The following PLXNC1 variants were observed in gnomAD, a reference collection of about 807,000 sequenced individuals.
The protein encoded by PLXNC1 is plexin C1, also known as plexin-C1.
PLXNC1 carries 75 observed loss-of-function variants against 178.2 expected under a neutral mutation model. The observed-to-expected ratio is 0.42, with a 90% CI of 0.35 to 0.51. The LOEUF is 0.51. Ranked by LOEUF, PLXNC1 falls within the 20% of genes least tolerant of loss-of-function variation. The pLI is 0.02. For synonymous variants in PLXNC1, 790 were observed against 779.9 expected, an observed-to-expected ratio of 1.01 and a Z score of -0.22; for missense variants, 1,503 against 1,984.4, an observed-to-expected ratio of 0.76 and a Z score of 4.61.
rs1057475517 is a variant in PLXNC1 at position 94,275,803 on chromosome 12, C to A, written c.3598-3669C>A. Among the ~76,000 whole-genome samples, 11 of 128,946 alleles carry A rather than the reference C, an allele frequency of 8.5e-5. 2 individuals are homozygous for A. Among genetic ancestry groups the A allele is most frequent in the South Asian group, 2.4e-4 (1 of 4,104 alleles). 84.6% of individuals were successfully genotyped at this position (128,946 alleles called of 152,430 possible). On this transcript the variant is annotated intron_variant, in intron 21 of 30. Coordinates refer to ENST00000258526, the MANE Select transcript of PLXNC1 (RefSeq NM_005761.3). ...CCGGGAGGCGGAGCTTGCAGTGAGCCGAGATCCCGCCACTGCACTCCAGCC... is the reference window on the plus strand; with the variant it reads ...CCGGGAGGCGGAGCTTGCAGTGAGCAGAGATCCCGCCACTGCACTCCAGCC...
chr12:94,283,601 TGA>T (rs1966613928), intron 23 of PLXNC1, among the ~76,000 whole-genome samples: 1 of 152,176 alleles, frequency 6.6e-6, no homozygotes, highest in Non-Finnish European at 1.5e-5. Flanking sequence ...CGTTCAGGGA[TGA>T]GAGTTTTTAA....
rs141493255 is a variant in PLXNC1, at chr12:94,165,326, C to T, written c.1063-3827C>T. On this transcript the variant is annotated intron_variant, in intron 1 of 30. Coordinates refer to ENST00000258526, the MANE Select transcript of PLXNC1 (RefSeq NM_005761.3). ...TTTGCTGCAATAAGCATAAGAAAGCCATTCAAAGGGTTCCTTTTCCCATTC... is the reference window on the plus strand; with the variant it reads ...TTTGCTGCAATAAGCATAAGAAAGCTATTCAAAGGGTTCCTTTTCCCATTC... Among the ~76,000 whole-genome samples the T allele has an allele frequency of 5.6e-3, 852 of 152,274 alleles. 9 individuals are homozygous for T. The highest frequency in any genetic ancestry group is 0.036 in the South Asian group (174 of 4,818).
chr12:94,220,370 T>C (rs1963760618), intron 6 of PLXNC1, among the ~76,000 whole-genome samples: 1 of 152,112 alleles, frequency 6.6e-6, no homozygotes, highest in Non-Finnish European at 1.5e-5. Context: ...CAGATATGCC[T>C]GGACAATGAC....
chr12:94,281,220 A>G (rs1966414186), intron 22 of PLXNC1, among the ~76,000 whole-genome samples: 1 of 152,206 alleles, frequency 6.6e-6, no homozygotes, highest in African/African-American at 2.4e-5. Flanking sequence ...CAGAGGTTGC[A>G]GTGAGCCCAG....
chr12:94,149,207 T>A lies in PLXNC1; in HGVS notation c.236T>A (p.Leu79Gln). The part of the protein sequence containing the change: ...DYSLEHSLSR[L>Q]YRDQAGNCTE... ...AGCCTGGAGCACAGCCTCTCGCGCC[T>A]GTACCGGGACCAAGCGGGCAACTGC... is the stretch of plus-strand genomic sequence containing the variant. The change falls in exon 1 of 31, where the codon CTG (leucine) becomes CAG (glutamine). Residue 79 changes from leucine (L) to glutamine (Q), a missense_variant. This residue lies in a region of PLXNC1 where 176 missense variants were observed against 180.7 expected (regional missense o/e 0.97). Coordinates refer to ENST00000258526, the MANE Select transcript of PLXNC1 (RefSeq NM_005761.3). 6.3e-7 allele frequency: 1 copy of A among 1,586,492 alleles called. No homozygotes were observed. The highest frequency in any genetic ancestry group is 8.5e-7 in the Non-Finnish European group (1 of 1,170,986).
chr12:94,151,150 G>C (rs1254878506), intron 1 of PLXNC1, among the ~76,000 whole-genome samples: 1 of 152,082 alleles, frequency 6.6e-6, no homozygotes. Context: ...CCATTGTTTT[G>C]GTACAAAATG....
intron 21 of PLXNC1, among the ~76,000 whole-genome samples, chr12:94,274,174 A>T (rs934198052): frequency 6.7e-6 from 1 of 149,314 alleles, no homozygotes; most frequent in Admixed American, 6.7e-5. Context: ...AAAAAAAAAA[A>T]AAAAAAAAAA....
intron 4 of PLXNC1, among the ~76,000 whole-genome samples, chr12:94,191,602 G>A (rs1195407637): frequency 2.6e-5 from 4 of 152,020 alleles, no homozygotes; most frequent in Non-Finnish European, 4.4e-5. Context: ...TGGCCAACAT[G>A]GTGAAACCCT....
chr12:94,170,720 T>C (rs1198693009), intron 2 of PLXNC1, among the ~76,000 whole-genome samples: 5 of 149,344 alleles, frequency 3.3e-5, no homozygotes, highest in African/African-American at 1.2e-4. Context: ...GCTGAGTGCC[T>C]GGTAGGCATT....
chr12:94,209,560 G>A, intron 4 of PLXNC1, 30 bp from the exon 5 acceptor site: 1 of 1,290,988 alleles, frequency 7.7e-7, no homozygotes, highest in South Asian at 1.2e-5. Flanking sequence ...ACACGTATGG[G>A]GTCGCTGTTT....
At position 94,259,663 on chromosome 12, in the gene PLXNC1, C is replaced by T. The variant is rs1445393450; in HGVS notation, c.3180C>T (p.Ile1060=). ...GTCTCACAGCTTTGGATGCCCTAATCTGTAATAAAAGCTTTCTTGTTACTG... is the reference window on the plus strand; with the variant it reads ...GTCTCACAGCTTTGGATGCCCTAATTTGTAATAAAAGCTTTCTTGTTACTG... The part of the protein sequence containing the change: ...NESLTALDAL[I]CNKSFLVTVI... Residue 1060 remains isoleucine, a synonymous_variant, in exon 19 of 31, where the codon ATC becomes ATT. Transcript: ENST00000258526. 7 of 1,612,516 alleles carry T rather than the reference C, an allele frequency of 4.3e-6. No homozygotes were observed. The highest frequency in any genetic ancestry group is 5.1e-6 in the Non-Finnish European group (6 of 1,179,066).
chr12:94,259,518 A>G (rs1964938648), intron 18 of PLXNC1, 92 bp from the exon 19 acceptor site: 3 of 1,167,162 alleles, frequency 2.6e-6, no homozygotes, highest in South Asian at 1.6e-5. Context: ...TGAATAATTC[A>G]TTGTCTTGGA....
chr12:94,209,741 G>T, intron 5 of PLXNC1, 37 bp downstream of exon 5: 1 of 1,264,978 alleles, frequency 7.9e-7, no homozygotes, highest in South Asian at 1.2e-5. Flanking sequence ...TCGTTGTATT[G>T]TCTCATTTTG....
At chr12:94,169,349 T>TA (rs1221022300) in intron 2 of PLXNC1, 56 bp downstream of exon 2, 18 of 1,452,716 alleles carry the variant, frequency 1.2e-5, no homozygotes, top group Admixed American at 6.0e-5. Flanking sequence ...TTTTGTACTT[T>TA]AAAAAAACAT....
Position 94,220,088 on chromosome 12 carries a change from AG to A in PLXNC1, c.1630del (p.Glu544SerfsTer31). 6.2e-7 allele frequency: 1 copy of A among 1,614,044 alleles called. No individual in the cohort carries two copies. The highest frequency in any genetic ancestry group is 8.5e-7 in the Non-Finnish European group (1 of 1,179,928). ...CATGGTGAAGAATGTGGACTCTAGCAGGGAGCTCTGCCAGAATAAAAGTCAG... is the reference window on the plus strand; with the variant it reads ...CATGGTGAAGAATGTGGACTCTAGCAGGAGCTCTGCCAGAATAAAAGTCAG... ...KCMVKNVDSS[R>X]ELCQNKSQPN... On this transcript the variant is annotated frameshift_variant, in exon 6 of 31. Coordinates refer to ENST00000258526, the MANE Select transcript of PLXNC1 (RefSeq NM_005761.3). LOFTEE classifies it high-confidence loss of function.
chr12:94,195,823 T>C (rs1592753483), intron 4 of PLXNC1, among the ~76,000 whole-genome samples: 1 of 152,142 alleles, frequency 6.6e-6, no homozygotes, highest in South Asian at 2.1e-4. Context: ...TTCTGAAGGG[T>C]TGGGAATAAC....
intron 2 of PLXNC1, among the ~76,000 whole-genome samples, chr12:94,174,048 G>C (rs935907293): frequency 1.3e-5 from 2 of 152,150 alleles, no homozygotes; most frequent in African/African-American, 4.8e-5. Flanking sequence ...GACTGCAGTA[G>C]GGTTCAGGAT....
At chr12:94,232,151 A>G (rs567157327) in intron 9 of PLXNC1, among the ~76,000 whole-genome samples, 8 of 151,958 alleles carry the variant, frequency 5.3e-5, no homozygotes, top group Admixed American at 2.0e-4. Flanking sequence ...CAGTGGCACA[A>G]TCTCGGCTCA....
intron 21 of PLXNC1, among the ~76,000 whole-genome samples, chr12:94,269,912 A>T (rs1965471375): frequency 6.6e-6 from 1 of 152,230 alleles, no homozygotes; most frequent in Non-Finnish European, 1.5e-5. Flanking sequence ...AAGTCATGGA[A>T]AATGAAAAAT....
Sources: allele counts gnomAD v4.1 joint callset (sites outside exome capture counted in the v4.1 genomes callset), GRCh38; gene constraint gnomAD v4.1.1; regional missense constraint gnomAD v4.1.1; transcripts MANE v1.5; gene names NCBI Gene and HGNC (gene_info 2026-07-23, HGNC 2026-07-21).